PPP1R8: variants seen among roughly 807,000 people sequenced by gnomAD.
PPP1R8 encodes nuclear inhibitor of protein phosphatase 1.
A neutral mutation model predicts 31.3 loss-of-function variants in PPP1R8; 4 were observed. The observed-to-expected ratio is 0.13, with a 90% CI of 0.06 to 0.29. The LOEUF (loss-of-function observed/expected upper bound fraction) is 0.29, where lower values mean the gene tolerates loss of function less well. Among genes scored for constraint, PPP1R8 ranks in the 10% least tolerant of loss-of-function variants. The probability of loss-of-function intolerance (pLI) is 1.00; values close to 1 mark genes in which losing one functional copy is unlikely to be tolerated. For missense variants in PPP1R8, 254 were observed against 440.1 expected, an observed-to-expected ratio of 0.58 and a Z score of 3.78; for synonymous variants, 170 against 169.7, an observed-to-expected ratio of 1.00 and a Z score of -0.01.
At position 27,850,603 on chromosome 1, in the gene PPP1R8, G is replaced by A. The variant is rs1271208518; in HGVS notation, c.*157G>A. The A allele has an allele frequency of 1.5e-6, 1 of 683,768 alleles. No individual in the cohort carries two copies. The highest frequency in any genetic ancestry group is 2.1e-5 in the South Asian group (1 of 46,960). 42.4% of individuals were successfully genotyped at this position (683,768 alleles called of 1,614,324 possible). ...CCATGTAATATGACAATTGGGGGTG[G>A]GGTTGAAATAGCCCATAAAGACCTG... On this transcript the variant is annotated 3_prime_UTR_variant, in exon 7 of 7. Coordinates refer to ENST00000311772, the MANE Select transcript of PPP1R8 (RefSeq NM_014110.5).
At chr1:27,840,901 T>C (rs1557428687) in intron 3 of PPP1R8, 113 bp from the exon 4 acceptor site, 1 of 1,061,990 alleles carries the variant, frequency 9.4e-7, no homozygotes, top group South Asian at 1.5e-5. Flanking sequence ...AAAGCAAAAC[T>C]GATGTGCTGG....
chr1:27,844,486 C>T (rs1230967283), intron 5 of PPP1R8, among the ~76,000 whole-genome samples: 1 of 151,524 alleles, frequency 6.6e-6, no homozygotes, highest in Non-Finnish European at 1.5e-5. Context: ...TGCCACCACA[C>T]CTGGCTAATT....
In PPP1R8 at chr1:27,850,482, G is replaced by GGGGGT; in HGVS notation, c.*36_*37insGGGGT. On this transcript the variant is annotated 3_prime_UTR_variant, in exon 7 of 7. Coordinates refer to ENST00000311772, the MANE Select transcript of PPP1R8 (RefSeq NM_014110.5). ...CATGGAGAAGGGTGGGATTGGGTGG[G>GGGGGT]AATGGGGTGGAAGGGTGATGGGGAG... The GGGGGT allele has an allele frequency of 5.9e-6, 3 of 511,098 alleles. No homozygotes were observed. The highest frequency in any genetic ancestry group is 3.4e-4 in the Middle Eastern group (1 of 2,938). 31.7% of individuals were successfully genotyped at this position (511,098 alleles called of 1,614,324 possible).
chr1:27,843,505 C>A (rs943189020), intron 5 of PPP1R8, among the ~76,000 whole-genome samples, 175 bp downstream of exon 5: 1 of 151,916 alleles, frequency 6.6e-6, no homozygotes. Context: ...AAAAAAAATA[C>A]AAAAATTAGC....
rs1182208104 is a variant in PPP1R8 at position 27,850,325 on chromosome 1, A to C, written c.935A>C (p.Asn312Thr). Reference protein sequence around the residue: ...DLTPVVPSAVNMNPAPNPAVY... With the variant: ...DLTPVVPSAVTMNPAPNPAVY... ...ACTCCTGTTGTGCCGTCAGCAGTGA[A>C]CATGAACCCTGCACCAAACCCTGCA... is the stretch of plus-strand genomic sequence containing the variant. Residue 312 changes from asparagine to threonine, a missense_variant, in exon 7 of 7, where the codon AAC becomes ACC. Physicochemically the swap from Asn to Thr is moderately conservative, Grantham distance 65. This residue lies in a region of PPP1R8 where 105 missense variants were observed against 128.0 expected (regional missense o/e 0.82). Transcript: ENST00000311772. 1 of 1,614,246 alleles carries C rather than the reference A, an allele frequency of 6.2e-7. No homozygotes were observed. The highest frequency in any genetic ancestry group is 1.7e-5 in the Admixed American group (1 of 60,028).
At chr1:27,836,890 A>G (rs1050211342) in intron 2 of PPP1R8, among the ~76,000 whole-genome samples, 43 of 152,126 alleles carry the variant, frequency 2.8e-4, no homozygotes, top group African/African-American at 8.7e-4. Flanking sequence ...AAAAACAAAC[A>G]AAAATACTTT....
At chr1:27,836,413 T>G (rs142759518) in intron 2 of PPP1R8, among the ~76,000 whole-genome samples, 186 of 152,192 alleles carry the variant, frequency 1.2e-3, no homozygotes, top group African/African-American at 4.3e-3. Flanking sequence ...TATTTTTATT[T>G]TTTTGTTTGT....
chr1:27,850,179 C>A lies in PPP1R8; in HGVS notation c.789C>A (p.Leu263=). The change falls in exon 7 of 7, where the codon CTC becomes CTA. Residue 263 remains leucine (L), a synonymous_variant. Transcript: ENST00000311772. Reference sequence around the variant, plus strand: ...AGAACTTTGCCTTCAGCGGAGGACTCTACGGGGGCCTGCCCCCCACACACA... The same window carrying A: ...AGAACTTTGCCTTCAGCGGAGGACTATACGGGGGCCTGCCCCCCACACACA... The part of the protein sequence containing the change: ...RMQNFAFSGG[L]YGGLPPTHSE... 6.2e-7 allele frequency: 1 copy of A among 1,614,126 alleles called. No homozygotes were observed. Among genetic ancestry groups the A allele is most frequent in the Non-Finnish European group, 8.5e-7 (1 of 1,180,004 alleles).
rs761356943 is a variant in PPP1R8, at chr1:27,847,136, T to C, written c.702+44T>C. 4 of 1,585,018 alleles carry C rather than the reference T, an allele frequency of 2.5e-6. No individual in the cohort carries two copies. The South Asian group carries it at 3.3e-5, about 13-fold the overall frequency. ...GCCATACAGTCTGTGTTTTAAAACC[T>C]GCTCTTTAGGCCAGGCGCGTTGGCT... On this transcript the variant is annotated intron_variant, in intron 6 of 6. Coordinates refer to ENST00000311772, the MANE Select transcript of PPP1R8 (RefSeq NM_014110.5).
In PPP1R8 at chr1:27,851,426, G is replaced by A. The variant is rs2089343100; in HGVS notation, c.*980G>A. ...GTTAGGAAACATTGATACAAGCTTT[G>A]TACAGAGATTTGTACATTTGTGTAA... On this transcript the variant is annotated 3_prime_UTR_variant, in exon 7 of 7. Coordinates refer to ENST00000311772, the MANE Select transcript of PPP1R8 (RefSeq NM_014110.5). 2.5e-6 allele frequency: 1 copy of A among 406,096 alleles called. No homozygotes were observed. Among genetic ancestry groups the A allele is most frequent in the Non-Finnish European group, 5.0e-6 (1 of 199,544 alleles). The allele number at this position is 406,096 out of a possible 1,614,324, so 25.2% of individuals were successfully genotyped here.
intron 5 of PPP1R8, 146 bp from the exon 6 acceptor site, chr1:27,846,882 A>G (rs1009629533): frequency 1.5e-6 from 1 of 681,652 alleles, no homozygotes; most frequent in Non-Finnish European, 2.7e-6. Flanking sequence ...GTGAGGATTT[A>G]GCACAATGCC....
At position 27,843,222 on chromosome 1, in the gene PPP1R8, AT is replaced by A; in HGVS notation, c.532del (p.Ser178LeufsTer24). ...GTTCAACACTGCCCACAACAAGCGGATTTCTACCCTTACCATTGAGGAGGGA... is the reference window on the plus strand; with the variant it reads ...GTTCAACACTGCCCACAACAAGCGGATTCTACCCTTACCATTGAGGAGGGA... ...TEFNTAHNKR[I>X]STLTIEEGNL... is the part of the protein sequence containing the mutation. On this transcript the variant is annotated frameshift_variant, in exon 5 of 7. Transcript: ENST00000311772. LOFTEE classifies it high-confidence loss of function. 6.2e-7 allele frequency: 1 copy of A among 1,614,152 alleles called. No individual in the cohort carries two copies. The highest frequency in any genetic ancestry group is 8.5e-7 in the Non-Finnish European group (1 of 1,180,032).
chr1:27,831,160 G>A, intron 1 of PPP1R8: 1 of 1,235,422 alleles, frequency 8.1e-7, no homozygotes, highest in Non-Finnish European at 1.0e-6. Context: ...AGTCGCCGGA[G>A]CGCTTCGAGG....
chr1:27,843,396 C>G, intron 5 of PPP1R8, 66 bp downstream of exon 5: 1 of 1,598,872 alleles, frequency 6.3e-7, no homozygotes, highest in Non-Finnish European at 8.6e-7. Flanking sequence ...GTGGCTCACG[C>G]CTGTAGTCCT....
intron 2 of PPP1R8, among the ~76,000 whole-genome samples, chr1:27,835,754 T>C (rs920650940): frequency 6.6e-6 from 1 of 152,260 alleles, no homozygotes; most frequent in Non-Finnish European, 1.5e-5. Flanking sequence ...GCTTAGACTC[T>C]GAAGCCAGAC....
Position 27,830,848 on chromosome 1 carries a change from G to A in PPP1R8, c.13G>A (p.Ala5Thr), listed in dbSNP as rs200774015. 7.0e-6 allele frequency: 11 copies of A among 1,575,850 alleles called. No individual in the cohort carries two copies. The South Asian group carries it at 8.2e-5, about 12-fold the overall frequency. Residue 5 changes from alanine to threonine, a missense_variant, in exon 1 of 7, where the codon GCG (alanine) becomes ACG (threonine). By Grantham distance (58) the Ala-to-Thr change is moderately conservative. Around this residue, in one of 6 missense-constraint regions of PPP1R8, gnomAD observed 38 missense variants for 18.6 expected, o/e 2.04. Transcript: ENST00000311772. ...GGGGAGACGCAAGATGGCGGCAGCC[G>A]CGAACTCCGGCTCTAGCCTCCCGCT... MAAA[A>T]NSGSSLPLFD...
Position 27,850,283 on chromosome 1 carries a change from C to T in PPP1R8, c.893C>T (p.Ala298Val). 2 of 1,614,232 alleles carry T rather than the reference C, an allele frequency of 1.2e-6. No individual in the cohort carries two copies. The highest frequency in any genetic ancestry group is 1.7e-6 in the Non-Finnish European group (2 of 1,180,048). ...TTGCCCATGCCATACCCAAACCTTG[C>T]CCCTGATGTGGACTTGACTCCTGTT... ...GGLPMPYPNL[A>V]PDVDLTPVVP... is the part of the protein sequence containing the mutation. The change falls in exon 7 of 7, where the codon GCC becomes GTC. Residue 298 changes from alanine to valine, a missense_variant. Around this residue, in one of 6 missense-constraint regions of PPP1R8, gnomAD observed 105 missense variants for 128.0 expected, o/e 0.82. Coordinates refer to ENST00000311772, the MANE Select transcript of PPP1R8 (RefSeq NM_014110.5).
intron 3 of PPP1R8, 33 bp downstream of exon 3, chr1:27,838,885 T>G (rs373639315): frequency 5.4e-6 from 8 of 1,478,874 alleles, no homozygotes; most frequent in Non-Finnish European, 7.2e-6. Flanking sequence ...ACATGTTACC[T>G]TTAGGCAATA....
chr1:27,851,412 T>C lies in PPP1R8; in HGVS notation c.*966T>C, dbSNP rs1323106080. The stretch of plus-strand genomic sequence containing the variant: ...ACATAGGAGACAAAGTTAGGAAACA[T>C]TGATACAAGCTTTGTACAGAGATTT... On this transcript the variant is annotated 3_prime_UTR_variant, in exon 7 of 7. Transcript: ENST00000311772. 2 of 375,720 alleles carry C rather than the reference T, an allele frequency of 5.3e-6. No homozygotes were observed. Among genetic ancestry groups the C allele is most frequent in the Non-Finnish European group, 1.1e-5 (2 of 185,360 alleles). 23.3% of individuals were successfully genotyped at this position (375,720 alleles called of 1,614,324 possible). A position where few individuals can be genotyped will look rare whatever the true frequency, so the allele number is the denominator to read the frequency against.
Sources: allele counts gnomAD v4.1 joint callset (sites outside exome capture counted in the v4.1 genomes callset), GRCh38; gene constraint gnomAD v4.1.1; regional missense constraint gnomAD v4.1.1; transcripts MANE v1.5; gene names NCBI Gene and HGNC (gene_info 2026-07-23, HGNC 2026-07-21).